The following CDK14 variants were observed in gnomAD, a reference collection of about 807,000 sequenced individuals.
CDK14 encodes the protein cyclin-dependent kinase 14.
A neutral mutation model predicts 60.7 loss-of-function variants in CDK14; 34 were observed. The ratio of observed to expected loss-of-function variants is 0.56; its 90% confidence interval spans 0.43 to 0.75. The LOEUF is 0.75. Among genes scored for constraint, CDK14 ranks in the 30% least tolerant of loss-of-function variants. CDK14 has a pLI of 0.00. For missense variants in CDK14, 482 were observed against 564.1 expected (o/e 0.85, Z 1.47); for synonymous variants, 197 against 203.7 (o/e 0.97, Z 0.28).
chr7:90,895,825 C>T (rs1045259069), intron 6 of CDK14, among the ~76,000 whole-genome samples: 1 of 149,306 alleles, frequency 6.7e-6, no homozygotes, highest in Non-Finnish European at 1.5e-5. Flanking sequence ...ATCCGCCTGC[C>T]TCAGCCTCCC....
At chr7:91,013,220 G>A (rs948623629) in intron 10 of CDK14, among the ~76,000 whole-genome samples, 1 of 152,084 alleles carries the variant, frequency 6.6e-6, no homozygotes, top group Non-Finnish European at 1.5e-5. Flanking sequence ...GCAGCTTCCT[G>A]CCCACGGCCT....
intron 2 of CDK14, among the ~76,000 whole-genome samples, chr7:90,675,341 A>C (rs911605573): frequency 3.9e-5 from 6 of 152,126 alleles, no homozygotes; most frequent in Admixed American, 6.5e-5. Flanking sequence ...TTTGCTTTCA[A>C]ACTTCTTAAA....
chr7:90,772,412 G>T (rs893403482), intron 4 of CDK14, among the ~76,000 whole-genome samples: 2 of 152,190 alleles, frequency 1.3e-5, no homozygotes, highest in Non-Finnish European at 2.9e-5. Context: ...GATATGGTTT[G>T]GCTGTGTGTT....
intron 2 of CDK14, among the ~76,000 whole-genome samples, chr7:90,626,815 A>G (rs983443578): frequency 3.9e-5 from 6 of 151,920 alleles, no homozygotes; most frequent in Non-Finnish European, 5.9e-5. Context: ...TGTGTCTGTC[A>G]TGTAGTCCTA....
In CDK14 at chr7:90,747,768, A is replaced by C. The variant is rs1227185891; in HGVS notation, c.457A>C (p.Lys153Gln). 1 of 1,549,376 alleles carries C rather than the reference A, an allele frequency of 6.5e-7. No individual in the cohort carries two copies. Among genetic ancestry groups the C allele is most frequent in the Non-Finnish European group, 8.7e-7 (1 of 1,150,774 alleles). ...EGSYATVYKG[K>Q]SKVNGKLVAL... Reference sequence around the variant, plus strand: ...ATCTTATGCTACAGTATACAAAGGGAAAAGCAAGTAAGTTCATTATTTTTG... The same window carrying C: ...ATCTTATGCTACAGTATACAAAGGGCAAAGCAAGTAAGTTCATTATTTTTG... The change falls in exon 4 of 15, where the codon AAA becomes CAA. Residue 153 changes from lysine (K) to glutamine (Q), a missense_variant. Transcript: ENST00000380050.
chr7:90,726,062 G>T (rs1802620943), intron 2 of CDK14, among the ~76,000 whole-genome samples: 1 of 152,162 alleles, frequency 6.6e-6, no homozygotes, highest in South Asian at 2.1e-4. Context: ...ATGAAATCAA[G>T]ATGGGGACAG....
intron 12 of CDK14, among the ~76,000 whole-genome samples, chr7:91,089,579 A>T (rs997249466): frequency 6.6e-6 from 1 of 151,908 alleles, no homozygotes; most frequent in African/African-American, 2.4e-5. Context: ...GGAAAAAAAA[A>T]AAAAAACAGG....
chr7:90,676,912 G>T (rs553574043), intron 2 of CDK14, among the ~76,000 whole-genome samples: 1 of 151,264 alleles, frequency 6.6e-6, no homozygotes, highest in Non-Finnish European at 1.5e-5. Flanking sequence ...TAGCCTTGCT[G>T]TACTTTCTAC....
In CDK14 at chr7:91,210,158, G is replaced by A. The variant is rs939627175; in HGVS notation, c.*3022G>A. The A allele has an allele frequency of 6.6e-6, 1 of 152,550 alleles. No individual in the cohort carries two copies. The highest frequency in any genetic ancestry group is 1.9e-4 in the East Asian group (1 of 5,200). 9.4% of individuals were successfully genotyped at this position (152,550 alleles called of 1,614,324 possible). A position where few individuals can be genotyped will look rare whatever the true frequency, so the allele number is the denominator to read the frequency against. Reference sequence around the variant, plus strand: ...TCTCCCTTACTGGCTTGTAGGCAGAGGAAACTGTATATGTTACTGCCTTGT... The same window carrying A: ...TCTCCCTTACTGGCTTGTAGGCAGAAGAAACTGTATATGTTACTGCCTTGT... On this transcript the variant is annotated 3_prime_UTR_variant, in exon 15 of 15. Coordinates refer to ENST00000380050, the MANE Select transcript of CDK14 (RefSeq NM_001287135.2).
In CDK14 at chr7:91,032,253, T is replaced by A. The variant is rs56056474; in HGVS notation, c.1042-13644T>A. On this transcript the variant is annotated intron_variant, in intron 10 of 14. Transcript: ENST00000380050. ...AAGTTGTTATTCCTGTAACTAGACATATTTCCCCAGATTTTTCTGTTTACT... is the reference window on the plus strand; with the variant it reads ...AAGTTGTTATTCCTGTAACTAGACAAATTTCCCCAGATTTTTCTGTTTACT... 4.5e-3 allele frequency among the ~76,000 whole-genome samples: 686 copies of A among 152,326 alleles called. 4 individuals carry two copies. The highest frequency in any genetic ancestry group is 0.015 in the African/African-American group (642 of 41,578).
At chr7:90,738,322 C>T (rs534197352) in intron 3 of CDK14, among the ~76,000 whole-genome samples, 21 of 152,258 alleles carry the variant, frequency 1.4e-4, no homozygotes, top group African/African-American at 4.8e-4. Flanking sequence ...TTATGTAATA[C>T]ATATAAAATG....
At chr7:90,792,853 A>G (rs1246655205) in intron 5 of CDK14, among the ~76,000 whole-genome samples, 1 of 135,406 alleles carries the variant, frequency 7.4e-6, no homozygotes, top group Non-Finnish European at 1.6e-5. Flanking sequence ...GATTTTCTTC[A>G]AACATGCTAT....
At chr7:91,035,884 C>A (rs1474893605) in intron 10 of CDK14, among the ~76,000 whole-genome samples, 1 of 145,160 alleles carries the variant, frequency 6.9e-6, no homozygotes. Context: ...TCGCCCAGGC[C>A]GGACTGCGGA....
At chr7:90,719,998 A>G (rs993754616) in intron 2 of CDK14, among the ~76,000 whole-genome samples, 2 of 152,204 alleles carry the variant, frequency 1.3e-5, no homozygotes, top group Non-Finnish European at 2.9e-5. Flanking sequence ...TGGGAAAACC[A>G]TTTTTAACCT....
rs1050818465 is a variant in CDK14, at chr7:90,933,717, C to T, written c.826+15993C>T. ...AATAGGATTTCATGAAGTTTTAAGA[C>T]AAGGACAGAGACAGGGCTCAGTATA... On this transcript the variant is annotated intron_variant, in intron 8 of 14. Transcript: ENST00000380050. 3.3e-5 allele frequency among the ~76,000 whole-genome samples: 5 copies of T among 152,246 alleles called. No individual in the cohort carries two copies. The East Asian group carries it at 9.7e-4, about 29-fold the overall frequency.
rs551850497 is a variant in CDK14 at position 90,804,564 on chromosome 7, C to A, written c.544+13912C>A. Among the ~76,000 whole-genome samples the A allele has an allele frequency of 7.2e-5, 11 of 152,158 alleles. No homozygotes were observed. In the South Asian group the frequency reaches 2.3e-3, roughly 32 times the overall value. On this transcript the variant is annotated intron_variant, in intron 5 of 14. Transcript: ENST00000380050. The stretch of plus-strand genomic sequence containing the variant: ...ATTCTAAGTATGCTTATGTAAATTG[C>A]CACAATTGTTATTCTAAGTCTGAGT...
intron 5 of CDK14, among the ~76,000 whole-genome samples, chr7:90,821,879 CTT>C (rs1172894947): frequency 6.6e-6 from 1 of 152,202 alleles, no homozygotes; most frequent in Non-Finnish European, 1.5e-5. Flanking sequence ...AAAGTCTGCT[CTT>C]TAGCTTCCTT....
At chr7:90,949,441 A>G (rs1182320116) in intron 8 of CDK14, among the ~76,000 whole-genome samples, 5 of 152,046 alleles carry the variant, frequency 3.3e-5, no homozygotes, top group Non-Finnish European at 5.9e-5. Flanking sequence ...ACCTCAGGTG[A>G]TCCACCTGCC....
chr7:91,091,153 T>C (rs1235531557), intron 12 of CDK14, among the ~76,000 whole-genome samples: 1 of 151,372 alleles, frequency 6.6e-6, no homozygotes, highest in African/African-American at 2.4e-5. Flanking sequence ...CCCAGCACTT[T>C]GAGAGGCCAA....
Sources: allele counts gnomAD v4.1 joint callset (sites outside exome capture counted in the v4.1 genomes callset), GRCh38; gene constraint gnomAD v4.1.1; transcripts MANE v1.5; gene names NCBI Gene and HGNC (gene_info 2026-07-23, HGNC 2026-07-21).